Variants in ARHGAP15 observed in about 807,000 individuals in gnomAD.
ARHGAP15 encodes Rho GTPase activating protein 15, also known as rho GTPase-activating protein 15.
In ARHGAP15, 51 loss-of-function variants were observed where a neutral mutation model predicts 63.7. That is an observed-to-expected ratio of 0.80 (90% CI 0.64 to 1.01). The LOEUF (loss-of-function observed/expected upper bound fraction) is 1.01, where lower values mean the gene tolerates loss of function less well. ARHGAP15 is among the 50% of genes least tolerant of loss of function. The pLI is 0.00. For synonymous variants in ARHGAP15, 191 were observed against 193.8 expected, an observed-to-expected ratio of 0.99 and a Z score of 0.12; for missense variants, 560 against 564.6, an observed-to-expected ratio of 0.99 and a Z score of 0.08.
intron 5 of ARHGAP15, chr2:143,237,218 A>G (rs191769303): frequency 6.6e-6 from 1 of 152,274 alleles, no homozygotes; most frequent in East Asian, 1.9e-4. Flanking sequence ...TATATAACTT[A>G]AAAACACATG....
intron 6 of ARHGAP15, among the ~76,000 whole-genome samples, chr2:143,421,913 G>A (rs1423758667): frequency 6.6e-6 from 1 of 151,700 alleles, no homozygotes; most frequent in African/African-American, 2.4e-5. Flanking sequence ...GGGAGAGAGA[G>A]CAAGAAAGAG....
rs551512071 is a variant in ARHGAP15 at position 143,245,373 on chromosome 2, A to C, written c.385-5138A>C. On this transcript the variant is annotated intron_variant, in intron 5 of 13. Transcript: ENST00000295095. The stretch of plus-strand genomic sequence containing the variant: ...GGGCCAACAGAATCTAACAGTGCAG[A>C]GTTCAAGTCAGATGCAGATGGGGAA... Among the ~76,000 whole-genome samples, 3 of 152,366 alleles carry C rather than the reference A, an allele frequency of 2.0e-5. No homozygotes were observed. The South Asian group carries it at 6.2e-4, about 32-fold the overall frequency.
chr2:143,530,229 T>G (rs1694461907), intron 10 of ARHGAP15, among the ~76,000 whole-genome samples: 1 of 152,124 alleles, frequency 6.6e-6, no homozygotes, highest in Admixed American at 6.6e-5. Context: ...AAGGGTTTTG[T>G]TTTTTGTTTG....
At chr2:143,271,890 A>G (rs1487215474) in intron 6 of ARHGAP15, among the ~76,000 whole-genome samples, 1 of 152,210 alleles carries the variant, frequency 6.6e-6, no homozygotes, top group Admixed American at 6.5e-5. Context: ...CTGCTCATTA[A>G]AAGGAGATGG....
At chr2:143,189,502 CTTT>C (rs771848951) in intron 2 of ARHGAP15, among the ~76,000 whole-genome samples, 3 of 140,276 alleles carry the variant, frequency 2.1e-5, no homozygotes, top group Non-Finnish European at 1.6e-5. Context: ...TTCTTTCTTT[CTTT>C]TTTTTTTTTT....
intron 8 of ARHGAP15, among the ~76,000 whole-genome samples, chr2:143,464,199 T>C (rs1574484675): frequency 6.6e-6 from 1 of 152,212 alleles, no homozygotes; most frequent in South Asian, 2.1e-4. Flanking sequence ...CTAGAACTTC[T>C]AGAGTCTCGG....
intron 1 of ARHGAP15, among the ~76,000 whole-genome samples, chr2:143,134,632 C>CTTTTTT (rs139259059): frequency 5.0e-5 from 6 of 119,438 alleles, no homozygotes; most frequent in African/African-American, 6.1e-5. Context: ...TATTCCTTTT[C>CTTTTTT]TTTTTTTTTT....
intron 2 of ARHGAP15, among the ~76,000 whole-genome samples, chr2:143,165,976 A>G (rs959817169): frequency 9.6e-5 from 13 of 135,596 alleles, no homozygotes; most frequent in African/African-American, 3.7e-4. Flanking sequence ...GAAAGAAAGA[A>G]AGAAAGAAAG....
At chr2:143,584,867 C>T (rs1236085751) in intron 11 of ARHGAP15, among the ~76,000 whole-genome samples, 2 of 152,122 alleles carry the variant, frequency 1.3e-5, no homozygotes, top group East Asian at 1.9e-4. Flanking sequence ...AAAGTATGGT[C>T]ACATCAGAAC....
intron 8 of ARHGAP15, among the ~76,000 whole-genome samples, chr2:143,441,253 A>G (rs1019561884): frequency 2.6e-5 from 4 of 152,088 alleles, no homozygotes; most frequent in Admixed American, 2.6e-4. Flanking sequence ...AGAATTGGAT[A>G]TGGGAGTCAT....
chr2:143,140,144 A>G lies in ARHGAP15; in HGVS notation c.-15+10678A>G, dbSNP rs531436210. ...GCTATGATAATTTTGGTTTATTTCA[A>G]TTCTAAGTATTATGATAAAATTATG... is the stretch of plus-strand genomic sequence containing the variant. On this transcript the variant is annotated intron_variant, in intron 1 of 13. Coordinates refer to ENST00000295095, the MANE Select transcript of ARHGAP15 (RefSeq NM_018460.4). 2.6e-5 allele frequency among the ~76,000 whole-genome samples: 4 copies of G among 152,228 alleles called. No individual in the cohort carries two copies. In the East Asian group the frequency reaches 5.8e-4, roughly 22 times the overall value.
intron 2 of ARHGAP15, among the ~76,000 whole-genome samples, chr2:143,176,935 C>A (rs146884971): frequency 5.0e-4 from 76 of 152,278 alleles, no homozygotes; most frequent in African/African-American, 1.8e-3. Context: ...TCCATGGCCT[C>A]CTTCAGCTTC....
At chr2:143,644,239 T>G (rs988888824) in intron 12 of ARHGAP15, among the ~76,000 whole-genome samples, 54 of 152,022 alleles carry the variant, frequency 3.6e-4, no homozygotes, top group African/African-American at 1.3e-3. Flanking sequence ...GGTAATAGAC[T>G]GGGGGTAGGG....
chr2:143,175,050 T>C (rs1203601298), intron 2 of ARHGAP15, among the ~76,000 whole-genome samples: 1 of 152,164 alleles, frequency 6.6e-6, no homozygotes, highest in Non-Finnish European at 1.5e-5. Context: ...CCAATGAACC[T>C]GCAGATGCAT....
At chr2:143,189,912 C>G (rs1691614082) in intron 2 of ARHGAP15, among the ~76,000 whole-genome samples, 1 of 151,854 alleles carries the variant, frequency 6.6e-6, no homozygotes, top group East Asian at 1.9e-4. Flanking sequence ...TTTTATGAAT[C>G]TTATATATTT....
intron 13 of ARHGAP15, among the ~76,000 whole-genome samples, chr2:143,765,070 ATTAT>A (rs1393107189): frequency 1.2e-4 from 18 of 150,166 alleles, no homozygotes; most frequent in Non-Finnish European, 1.3e-4. Context: ...TACTCAATTG[ATTAT>A]TTATCTTATC....
Position 143,624,212 on chromosome 2 carries a change from G to A in ARHGAP15, c.1083G>A (p.Glu361=), listed in dbSNP as rs1559086848. 1 of 1,613,470 alleles carries A rather than the reference G, an allele frequency of 6.2e-7. No homozygotes were observed. Among genetic ancestry groups the A allele is most frequent in the Non-Finnish European group, 8.5e-7 (1 of 1,179,680 alleles). The change falls in exon 12 of 14, where the codon GAG becomes GAA. Residue 361 remains glutamate (E), a synonymous_variant. Transcript: ENST00000295095. ...VTGALKMFFR[E]LPEPLFPYSF... is the part of the protein sequence containing the mutation. ...GAGCACTGAAGATGTTTTTCCGGGA[G>A]CTGCCTGAGCCGCTCTTCCCTTACA...
chr2:143,668,102 A>G (rs979724604), intron 12 of ARHGAP15, among the ~76,000 whole-genome samples: 2 of 152,128 alleles, frequency 1.3e-5, no homozygotes, highest in East Asian at 3.8e-4. Context: ...AGATTTAGTA[A>G]TTTTAGAATG....
intron 6 of ARHGAP15, among the ~76,000 whole-genome samples, chr2:143,329,830 C>T (rs1396103151): frequency 6.7e-6 from 1 of 149,702 alleles, no homozygotes; most frequent in African/African-American, 2.5e-5. Flanking sequence ...GTTTTAATTG[C>T]AAAACTTTCA....
Sources: allele counts gnomAD v4.1 joint callset (sites outside exome capture counted in the v4.1 genomes callset), GRCh38; gene constraint gnomAD v4.1.1; transcripts MANE v1.5; gene names NCBI Gene and HGNC (gene_info 2026-07-23, HGNC 2026-07-21).